Variants in PCTP observed in about 807,000 individuals in gnomAD.
The protein encoded by PCTP is phosphatidylcholine transfer protein, also known as START domain-containing protein 2.
PCTP carries 27 observed loss-of-function variants against 31.0 expected under a neutral mutation model. The ratio of observed to expected loss-of-function variants is 0.87; its 90% CI spans 0.64 to 1.20. PCTP has a LOEUF of 1.20. Ranked by LOEUF, PCTP falls within the 50% of genes most tolerant of loss-of-function variation. The pLI, the probability that PCTP is intolerant of heterozygous loss-of-function variation, is 0.00. For missense variants in PCTP, 287 were observed against 268.2 expected (o/e 1.07, Z -0.49); for synonymous variants, 108 against 101.2 (o/e 1.07, Z -0.40).
chr17:55,770,534 A>C (rs1467386941), intron 2 of PCTP: 1 of 152,210 alleles, frequency 6.6e-6, no homozygotes, highest in African/African-American at 2.4e-5. Flanking sequence ...TTCTATCAAG[A>C]ATATTGATTA....
At position 55,776,170 on chromosome 17, in the gene PCTP, A is replaced by AAGT. The variant is rs2144975305; in HGVS notation, c.*71_*73dup. ...AAGTGCAACCACCCAATGTCTCTGGAAGTGCCACCTGGAAGTGCCACCTGG... is the reference window on the plus strand; with the variant it reads ...AAGTGCAACCACCCAATGTCTCTGGAAGTAGTGCCACCTGGAAGTGCCACCTGG... On this transcript the variant is annotated 3_prime_UTR_variant, in exon 6 of 6. Transcript: ENST00000268896. 6.3e-7 allele frequency: 1 copy of AAGT among 1,584,048 alleles called. No individual in the cohort carries two copies. Among genetic ancestry groups the AAGT allele is most frequent in the Non-Finnish European group, 8.6e-7 (1 of 1,163,564 alleles).
intron 5 of PCTP, among the ~76,000 whole-genome samples, chr17:55,835,156 C>A (rs1193171734): frequency 6.6e-6 from 1 of 152,064 alleles, no homozygotes; most frequent in Admixed American, 6.6e-5. Flanking sequence ...AGGGATCCTC[C>A]CTTAGAGACT....
At chr17:55,839,929 A>AAAAAAAAAC in intron 5 of PCTP, among the ~76,000 whole-genome samples, 2 of 149,230 alleles carry the variant, frequency 1.3e-5, no homozygotes, top group African/African-American at 4.9e-5. Flanking sequence ...CAAAAAAAAA[A>AAAAAAAAAC]AAAAAAAAAA....
At chr17:55,816,506 C>T (rs1403742356) in intron 3 of PCTP, among the ~76,000 whole-genome samples, 2 of 152,174 alleles carry the variant, frequency 1.3e-5, no homozygotes, top group East Asian at 1.9e-4. Context: ...CAATATAGCT[C>T]ATGAGTGGGT....
At chr17:55,793,772 C>CA in intron 3 of PCTP, among the ~76,000 whole-genome samples, 1 of 152,020 alleles carries the variant, frequency 6.6e-6, no homozygotes, top group Non-Finnish European at 1.5e-5. Flanking sequence ...CACAAATAAC[C>CA]AATATATTGA....
downstream of PCTP, among the ~76,000 whole-genome samples, chr17:55,846,512 G>A (rs1052452752): frequency 2.0e-5 from 3 of 152,182 alleles, no homozygotes; most frequent in East Asian, 3.8e-4. Context: ...AGCATTAGGG[G>A]TCAGGGAAAG....
At chr17:55,798,762 C>T (rs1912270850) in intron 3 of PCTP, among the ~76,000 whole-genome samples, 1 of 151,412 alleles carries the variant, frequency 6.6e-6, no homozygotes, top group Non-Finnish European at 1.5e-5. Flanking sequence ...AACAATGATT[C>T]CAGATGAAAA....
At chr17:55,771,368 G>A (rs1294396433) in intron 3 of PCTP, among the ~76,000 whole-genome samples, 183 bp downstream of exon 3, 1 of 152,234 alleles carries the variant, frequency 6.6e-6, no homozygotes, top group Admixed American at 6.5e-5. Context: ...AGCTCAGAGT[G>A]TGATTTCTGG....
chr17:55,755,996 C>T (rs541851671), intron 1 of PCTP, among the ~76,000 whole-genome samples: 18 of 152,302 alleles, frequency 1.2e-4, no homozygotes, highest in Middle Eastern at 3.4e-3. Flanking sequence ...ATTCTGTTTC[C>T]GGAGGCTAAA....
At chr17:55,788,443 GTTAT>G (rs1485356790) in intron 3 of PCTP, among the ~76,000 whole-genome samples, 2 of 152,038 alleles carry the variant, frequency 1.3e-5, no homozygotes, top group African/African-American at 4.8e-5. Flanking sequence ...TGGGGATTAT[GTTAT>G]TTATTTACTC....
At chr17:55,826,530 G>T (rs1905404020), downstream of PCTP, among the ~76,000 whole-genome samples, 1 of 152,000 alleles carries the variant, frequency 6.6e-6, no homozygotes, top group African/African-American at 2.4e-5. Context: ...TTAGGTATAT[G>T]GAGGAAAGAA....
Position 55,833,950 on chromosome 17 carries a change from T to C in PCTP, n.506-8777T>C, listed in dbSNP as rs551426250. The stretch of plus-strand genomic sequence containing the variant: ...TATCAGAAACTTCCTTAATAGCAGA[T>C]TTTGATAGAGTATATTTATAACATA... On this transcript the variant is annotated intron_variant and non_coding_transcript_variant, in intron 5 of 5. Coordinates refer to the PCTP transcript ENST00000576221. Among the ~76,000 whole-genome samples, 3 of 152,310 alleles carry C rather than the reference T, an allele frequency of 2.0e-5. No homozygotes were observed. In the East Asian group the frequency reaches 5.8e-4, roughly 29 times the overall value.
chr17:55,751,322 C>G (rs375893027), intron 1 of PCTP, 78 bp downstream of exon 1: 1 of 1,514,452 alleles, frequency 6.6e-7, no homozygotes, highest in Non-Finnish European at 8.8e-7. Context: ...TGCGGGGCGG[C>G]AGTCGCGGAA....
At chr17:55,774,881 C>CGGGGGAGGGGGGGG in intron 5 of PCTP, 22 bp downstream of exon 5, 1 of 1,237,298 alleles carries the variant, frequency 8.1e-7, no homozygotes, top group South Asian at 2.3e-5. Context: ...GGAGGTGGGG[C>CGGGGGAGGGGGGGG]GGGGGGAGGG....
chr17:55,779,788 G>A (rs2144983692), downstream of PCTP, among the ~76,000 whole-genome samples: 1 of 152,282 alleles, frequency 6.6e-6, no homozygotes, highest in South Asian at 2.1e-4. Context: ...CCATTGTGAG[G>A]CAGCATGCAG....
intron 1 of PCTP, among the ~76,000 whole-genome samples, chr17:55,755,534 C>G (rs1909965879): frequency 6.6e-6 from 1 of 151,922 alleles, no homozygotes; most frequent in Non-Finnish European, 1.5e-5. Context: ...TTTTAGTAGA[C>G]ACAAATTATT....
intron 1 of PCTP, among the ~76,000 whole-genome samples, chr17:55,759,914 G>C (rs1187784516): frequency 6.6e-6 from 1 of 152,090 alleles, no homozygotes; most frequent in Non-Finnish European, 1.5e-5. Context: ...TATTCTGTTT[G>C]GGACAAATAA....
chr17:55,777,385 G>T, downstream of PCTP: 1 of 983,064 alleles, frequency 1.0e-6, no homozygotes, highest in Non-Finnish European at 1.2e-6. Flanking sequence ...CTTGTCCTGT[G>T]TACCACTTCC....
intron 5 of PCTP, among the ~76,000 whole-genome samples, chr17:55,841,304 C>T (rs1440605760): frequency 6.6e-6 from 1 of 152,124 alleles, no homozygotes; most frequent in East Asian, 1.9e-4. Flanking sequence ...GCAGATCATG[C>T]AGGGAAAGAA....
Sources: allele counts gnomAD v4.1 joint callset (sites outside exome capture counted in the v4.1 genomes callset), GRCh38; gene constraint gnomAD v4.1.1; transcripts MANE v1.5; gene names NCBI Gene and HGNC (gene_info 2026-07-23, HGNC 2026-07-21).